The following APBA2 variants were observed in gnomAD, a reference collection of about 807,000 sequenced individuals.
The protein encoded by APBA2 is amyloid-beta A4 precursor protein-binding family A member 2.
In APBA2, 30 loss-of-function variants were observed where a neutral mutation model predicts 75.0. That is an observed-to-expected ratio of 0.40 (90% CI 0.30 to 0.54). APBA2 has a LOEUF of 0.54. APBA2 is among the 20% of genes least tolerant of loss of function. The pLI is 0.49. For synonymous variants in APBA2, 444 were observed against 409.6 expected, an observed-to-expected ratio of 1.08 and a Z score of -1.01; for missense variants, 801 against 1,016.1, an observed-to-expected ratio of 0.79 and a Z score of 2.88.
At chr15:29,112,647 G>A (rs1869787251) in intron 13 of APBA2, among the ~76,000 whole-genome samples, 1 of 152,070 alleles carries the variant, frequency 6.6e-6, no homozygotes, top group Non-Finnish European at 1.5e-5. Flanking sequence ...AATTCTCCTT[G>A]GACATCCATT....
chr15:28,915,484 C>G (rs1206040795), intron 1 of APBA2, among the ~76,000 whole-genome samples: 1 of 149,912 alleles, frequency 6.7e-6, no homozygotes, highest in Non-Finnish European at 1.5e-5. Context: ...CATACACACC[C>G]CATACACACC....
chr15:28,994,505 G>C (rs998525934), intron 2 of APBA2, among the ~76,000 whole-genome samples: 4 of 152,172 alleles, frequency 2.6e-5, no homozygotes, highest in Non-Finnish European at 5.9e-5. Context: ...AGTTTCCCCT[G>C]AGCAGAGGCA....
intron 2 of APBA2, among the ~76,000 whole-genome samples, chr15:28,937,878 C>T (rs568333006): frequency 9.9e-5 from 15 of 152,220 alleles, no homozygotes; most frequent in Middle Eastern, 3.4e-3. Context: ...AGGATGGTCT[C>T]GATCTCCTGA....
intron 10 of APBA2, chr15:29,102,663 G>A (rs1181457970): frequency 6.6e-6 from 1 of 152,310 alleles, no homozygotes; most frequent in Non-Finnish European, 1.5e-5. Context: ...GGAGGCTGAG[G>A]CAGGAGAATT....
intron 4 of APBA2, among the ~76,000 whole-genome samples, chr15:29,056,819 C>T (rs112693432): frequency 4.0e-5 from 6 of 151,740 alleles, no homozygotes; most frequent in Non-Finnish European, 7.4e-5. Flanking sequence ...GGCAGGGTCT[C>T]CACATTCTTA....
At position 29,019,490 on chromosome 15, in the gene APBA2, C is replaced by T. The variant is rs1332612952; in HGVS notation, c.-41+23684C>T. Among the ~76,000 whole-genome samples the T allele has an allele frequency of 3.9e-5, 6 of 152,226 alleles. No individual in the cohort carries two copies. In the East Asian group the frequency reaches 9.6e-4, roughly 24 times the overall value. ...CAACCTTCCTCTCCCTAGAGAACCA[C>T]TCTGTGGTTAGTGTGTTTTCCTTCA... On this transcript the variant is annotated intron_variant, in intron 3 of 14. Coordinates refer to ENST00000683413, the MANE Select transcript of APBA2 (RefSeq NM_001353788.2).
At chr15:28,941,750 GTTTA>G (rs771265395) in intron 2 of APBA2, among the ~76,000 whole-genome samples, 9 of 151,988 alleles carry the variant, frequency 5.9e-5, no homozygotes, top group Admixed American at 2.6e-4. Context: ...CGTTTTGTTT[GTTTA>G]TTTATTTATT....
chr15:28,900,463 G>A (rs1367925694), intron 1 of APBA2, among the ~76,000 whole-genome samples: 1 of 152,238 alleles, frequency 6.6e-6, no homozygotes, highest in Non-Finnish European at 1.5e-5. Flanking sequence ...ACACATCACA[G>A]TTGCTCAAAC....
At chr15:28,955,748 CTCCCA>C (rs149233975) in intron 2 of APBA2, among the ~76,000 whole-genome samples, 22,827 of 152,136 alleles carry the variant, frequency 0.15, 3,170 homozygotes, top group African/African-American at 0.37. Context: ...ATCAAAGCTC[CTCCCA>C]GGTGCCTAGG....
chr15:29,026,158 A>G (rs2040211984), intron 3 of APBA2, among the ~76,000 whole-genome samples: 3 of 152,114 alleles, frequency 2.0e-5, no homozygotes, highest in African/African-American at 7.2e-5. Flanking sequence ...CAGGGCCTCA[A>G]TGCCCTGTAT....
chr15:29,019,597 TG>T (rs2039848035), intron 3 of APBA2, among the ~76,000 whole-genome samples: 1 of 152,244 alleles, frequency 6.6e-6, no homozygotes, highest in African/African-American at 2.4e-5. Context: ...ATCTGTGCAT[TG>T]TTCTGCTGCC....
chr15:28,977,015 A>G (rs1189978304), intron 2 of APBA2: 2 of 152,244 alleles, frequency 1.3e-5, no homozygotes, highest in African/African-American at 4.8e-5. Flanking sequence ...ATTCACAATG[A>G]GGAAATAAAC....
intron 3 of APBA2, among the ~76,000 whole-genome samples, chr15:29,022,934 T>A (rs1336191479): frequency 1.3e-5 from 2 of 152,230 alleles, no homozygotes; most frequent in South Asian, 4.1e-4. Context: ...CCCTATATGC[T>A]TTATAGTTTT....
rs2033815439 is a variant in APBA2, at chr15:28,918,807, G to T, written c.-204-2833G>T. On this transcript the variant is annotated intron_variant, in intron 1 of 14. Coordinates refer to ENST00000683413, the MANE Select transcript of APBA2 (RefSeq NM_001353788.2). This position sits in a 1 kb window ranked among gnomAD's most constrained non-coding sequence, Gnocchi z 4.2. ...ATCACCGAGCGAACGTTCCTGTCCC[G>T]CCCACTCACTGCGAGGCTGGGCAGG... is the stretch of plus-strand genomic sequence containing the variant. Among the ~76,000 whole-genome samples, 1 of 151,938 alleles carries T rather than the reference G, an allele frequency of 6.6e-6. No individual in the cohort carries two copies. The highest frequency in any genetic ancestry group is 1.5e-5 in the Non-Finnish European group (1 of 67,980).
intron 2 of APBA2, among the ~76,000 whole-genome samples, chr15:28,926,601 T>C (rs2034273824): frequency 6.6e-6 from 1 of 152,174 alleles, no homozygotes; most frequent in Non-Finnish European, 1.5e-5. Flanking sequence ...TTCACTGTCA[T>C]TTATTCCTTT....
chr15:29,082,406 G>A (rs2043122986), intron 6 of APBA2, among the ~76,000 whole-genome samples: 1 of 152,116 alleles, frequency 6.6e-6, no homozygotes, highest in South Asian at 2.1e-4. Flanking sequence ...GATTGTCTTA[G>A]CAGATTACTA....
chr15:29,114,006 C>G lies in APBA2; in HGVS notation c.2168C>G (p.Ser723Trp). Reference protein sequence around the residue: ...HEKIVQALSNSVGEIHMKTMP... With the variant: ...HEKIVQALSNWVGEIHMKTMP... Reference sequence around the variant, plus strand: ...AAGATAGTCCAAGCTCTGTCCAACTCGGTCGGAGAGGTAAGGAGGGACTTT... The same window carrying G: ...AAGATAGTCCAAGCTCTGTCCAACTGGGTCGGAGAGGTAAGGAGGGACTTT... The change falls in exon 14 of 15, where the codon TCG (serine) becomes TGG (tryptophan). Residue 723 changes from serine to tryptophan, a missense_variant. Ser to Trp is a radical substitution (Grantham distance 177). This residue lies in a region of APBA2 where 367 missense variants were observed against 544.5 expected (regional missense o/e 0.67). Transcript: ENST00000683413. The G allele has an allele frequency of 1.9e-6, 3 of 1,613,844 alleles. No homozygotes were observed. The highest frequency in any genetic ancestry group is 2.5e-6 in the Non-Finnish European group (3 of 1,180,036).
At chr15:29,116,065 C>T (rs1042399101) in intron 14 of APBA2, among the ~76,000 whole-genome samples, 3 of 147,084 alleles carry the variant, frequency 2.0e-5, no homozygotes, top group Non-Finnish European at 3.0e-5. Flanking sequence ...AGCTCCCTTT[C>T]CGTTCTTGAA....
At chr15:29,035,743 C>G (rs989405533) in intron 3 of APBA2, among the ~76,000 whole-genome samples, 3 of 152,152 alleles carry the variant, frequency 2.0e-5, no homozygotes, top group African/African-American at 7.2e-5. Flanking sequence ...ATCCCCTGGG[C>G]ATGTGTGAGC....
Sources: allele counts gnomAD v4.1 joint callset (sites outside exome capture counted in the v4.1 genomes callset), GRCh38; gene constraint gnomAD v4.1.1; regional missense constraint gnomAD v4.1.1; non-coding constraint Gnocchi (gnomAD v3.1); transcripts MANE v1.5; gene names NCBI Gene and HGNC (gene_info 2026-07-23, HGNC 2026-07-21).